ARHGEF2: variants seen among roughly 807,000 people sequenced by gnomAD.
The protein encoded by ARHGEF2 is rho guanine nucleotide exchange factor 2.
In ARHGEF2, 22 loss-of-function variants were observed where a neutral mutation model predicts 121.0. The ratio of observed to expected loss-of-function variants is 0.18; its 90% confidence interval spans 0.13 to 0.26. The LOEUF is 0.26. Among genes scored for constraint, ARHGEF2 ranks in the 10% least tolerant of loss-of-function variants. The probability of loss-of-function intolerance (pLI) is 1.00; values close to 1 mark genes in which losing one functional copy is unlikely to be tolerated. For synonymous variants in ARHGEF2, 487 were observed against 530.0 expected (o/e 0.92, Z 1.11); for missense variants, 907 against 1,336.0 (o/e 0.68, Z 5.01).
At chr1:155,952,488 C>T in intron 15 of ARHGEF2, 140 bp downstream of exon 15, 1 of 1,082,978 alleles carries the variant, frequency 9.2e-7, no homozygotes, top group Non-Finnish European at 1.3e-6. Flanking sequence ...CAGGAACTGG[C>T]CCAGAAGAGG....
chr1:155,961,709 T>C lies in ARHGEF2; in HGVS notation c.1420A>G (p.Ile474Val), dbSNP rs1450311844. The stretch of plus-strand genomic sequence containing the variant: ...TTCCAGAGCAGGCAGCCATCGTGGA[T>C]GAGTTTGCGCCTCAGAAGTTCCTCT... ...GREELLRRKL[I>V]HDGCLLWKTA... is the part of the protein sequence containing the mutation. Residue 474 changes from isoleucine to valine, a missense_variant, in exon 11 of 22, where the codon ATC (isoleucine) becomes GTC (valine). Physicochemically the swap from Ile to Val is conservative, Grantham distance 29. Around this residue, in one of 2 missense-constraint regions of ARHGEF2, gnomAD observed 475 missense variants for 776.5 expected, o/e 0.61. Transcript: ENST00000361247. This position sits in a 1 kb window ranked among gnomAD's most constrained non-coding sequence, Gnocchi z 4.7. 3.1e-6 allele frequency: 5 copies of C among 1,613,914 alleles called. No individual in the cohort carries two copies. Among genetic ancestry groups the C allele is most frequent in the Admixed American group, 3.3e-5 (2 of 60,010 alleles).
In ARHGEF2 at chr1:155,951,452, C is replaced by T; in HGVS notation, c.2259+31G>A. ...CAGGCATCTCTAGCCTGGCTCCTCC[C>T]CTTCCCCATTCAAGCCCTTGTCCTA... On this transcript the variant is annotated intron_variant, in intron 19 of 21. Coordinates refer to ENST00000361247, the MANE Select transcript of ARHGEF2 (RefSeq NM_001162383.2). The surrounding 1 kb of genome is among the most constrained non-coding windows in gnomAD (Gnocchi z 5.1). 2 of 1,613,830 alleles carry T rather than the reference C, an allele frequency of 1.2e-6. No homozygotes were observed. The highest frequency in any genetic ancestry group is 1.7e-6 in the Non-Finnish European group (2 of 1,179,722).
chr1:155,978,744 T>C, upstream of ARHGEF2: 1 of 795,712 alleles, frequency 1.3e-6, no homozygotes, highest in Non-Finnish European at 1.6e-6. The surrounding 1 kb of genome is among the most constrained non-coding windows in gnomAD (Gnocchi z 4.1). Context: ...CTATTTCCCC[T>C]CCAGCGCCTG....
At position 155,955,150 on chromosome 1, in the gene ARHGEF2, C is replaced by T. The variant is rs145694336; in HGVS notation, c.1716-181G>A. On this transcript the variant is annotated intron_variant, in intron 13 of 21. Coordinates refer to ENST00000361247, the MANE Select transcript of ARHGEF2 (RefSeq NM_001162383.2). ...CCTTTTCTTTCTTTTTTTTTTGAGACGGAGTCTTACTCTGTCACCCAGGCT... is the reference window on the plus strand; with the variant it reads ...CCTTTTCTTTCTTTTTTTTTTGAGATGGAGTCTTACTCTGTCACCCAGGCT... Among the ~76,000 whole-genome samples the T allele has an allele frequency of 4.2e-3, 636 of 150,918 alleles. 4 individuals are homozygous for T. The highest frequency in any genetic ancestry group is 0.014 in the African/African-American group (592 of 41,094).
In ARHGEF2 at chr1:155,961,647, C is replaced by A. The variant is rs762661694; in HGVS notation, c.1468+14G>T. 6.2e-7 allele frequency: 1 copy of A among 1,600,022 alleles called. No homozygotes were observed. The highest frequency in any genetic ancestry group is 8.5e-7 in the Non-Finnish European group (1 of 1,173,930). ...GACTTTGAATTCCTGCCTAGTCTGC[C>A]GAGCAGGTCTGACCTTTGAAGCGCC... is the stretch of plus-strand genomic sequence containing the variant. On this transcript the variant is annotated intron_variant, in intron 11 of 21. Coordinates refer to ENST00000361247, the MANE Select transcript of ARHGEF2 (RefSeq NM_001162383.2). The surrounding 1 kb of genome is among the most constrained non-coding windows in gnomAD (Gnocchi z 4.7).
At position 155,963,196 on chromosome 1, in the gene ARHGEF2, T is replaced by C. The variant is rs776188661; in HGVS notation, c.725-13A>G. On this transcript the variant is annotated splice_polypyrimidine_tract_variant and intron_variant, in intron 7 of 21. Coordinates refer to ENST00000361247, the MANE Select transcript of ARHGEF2 (RefSeq NM_001162383.2). Reference sequence around the variant, plus strand: ...GTCTGGATTAGCTCTGTGGGGGACATTGGGACATTTGGCCTCTACCCTGGC... The same window carrying C: ...GTCTGGATTAGCTCTGTGGGGGACACTGGGACATTTGGCCTCTACCCTGGC... The C allele has an allele frequency of 2.9e-5, 47 of 1,602,376 alleles. No homozygotes were observed. The African/African-American group carries it at 4.7e-4, about 16-fold the overall frequency.
chr1:155,962,562 A>G lies in ARHGEF2; in HGVS notation c.1101+31T>C, dbSNP rs772218134. The G allele has an allele frequency of 6.2e-7, 1 of 1,610,960 alleles. No homozygotes were observed. Among genetic ancestry groups the G allele is most frequent in the Non-Finnish European group, 8.5e-7 (1 of 1,179,134 alleles). On this transcript the variant is annotated intron_variant, in intron 9 of 21. Coordinates refer to ENST00000361247, the MANE Select transcript of ARHGEF2 (RefSeq NM_001162383.2). This position sits in a 1 kb window ranked among gnomAD's most constrained non-coding sequence, Gnocchi z 5.8. ...GAGTTGGGGAGGGTGGGTTTGGGCC[A>G]TGAGCATGGGATCTGGAGAGGTCCG...
chr1:155,972,878 T>G (rs757175452), intron 1 of ARHGEF2, among the ~76,000 whole-genome samples: 12 of 151,802 alleles, frequency 7.9e-5, no homozygotes, highest in Non-Finnish European at 1.5e-4. Flanking sequence ...ATTTTTAAAT[T>G]TTTTTTGTAG....
At position 155,969,144 on chromosome 1, in the gene ARHGEF2, C is replaced by T. The variant is rs753884152; in HGVS notation, c.208+12G>A. On this transcript the variant is annotated intron_variant, in intron 2 of 21. Transcript: ENST00000361247. Reference sequence around the variant, plus strand: ...CCGAGTCTGGGTGACTCTCAGGGTCCAAACAACTTACTTGGGCAGATGAGG... The same window carrying T: ...CCGAGTCTGGGTGACTCTCAGGGTCTAAACAACTTACTTGGGCAGATGAGG... 3.1e-6 allele frequency: 5 copies of T among 1,613,922 alleles called. No homozygotes were observed. In the South Asian group the frequency reaches 5.5e-5, roughly 18 times the overall value.
rs775701896 is a variant in ARHGEF2 at position 155,962,664 on chromosome 1, G to A, written c.1030C>T (p.Arg344Cys). ...MCKTYSEFCSRHSKALKLYKE... is the reference protein window; with the variant it reads ...MCKTYSEFCSCHSKALKLYKE... ...TAGAGCTTTAAGGCCTTGCTGTGGCGGCTGCAGAACTCCGAGTAGGTCTTA... is the reference window on the plus strand; with the variant it reads ...TAGAGCTTTAAGGCCTTGCTGTGGCAGCTGCAGAACTCCGAGTAGGTCTTA... The change falls in exon 9 of 22, where the codon CGC (arginine) becomes TGC (cysteine). Residue 344 changes from arginine to cysteine, a missense_variant. Arg to Cys is a radical substitution (Grantham distance 180). Coordinates refer to ENST00000361247, the MANE Select transcript of ARHGEF2 (RefSeq NM_001162383.2). This position sits in a 1 kb window ranked among gnomAD's most constrained non-coding sequence, Gnocchi z 5.8. 2.5e-5 allele frequency: 41 copies of A among 1,613,996 alleles called. No individual in the cohort carries two copies. The highest frequency in any genetic ancestry group is 1.5e-4 in the African/African-American group (11 of 74,898).
intron 7 of ARHGEF2, among the ~76,000 whole-genome samples, chr1:155,963,493 G>A (rs563737308): frequency 1.3e-5 from 2 of 149,878 alleles, no homozygotes; most frequent in Admixed American, 6.7e-5. Context: ...TTACAGGCAC[G>A]CACCACCAGG....
chr1:155,962,024 C>T lies in ARHGEF2; in HGVS notation c.1219+81G>A. The T allele has an allele frequency of 6.2e-7, 1 of 1,603,408 alleles. No homozygotes were observed. Among genetic ancestry groups the T allele is most frequent in the Non-Finnish European group, 8.5e-7 (1 of 1,172,000 alleles). On this transcript the variant is annotated intron_variant, in intron 10 of 21. Coordinates refer to ENST00000361247, the MANE Select transcript of ARHGEF2 (RefSeq NM_001162383.2). The surrounding 1 kb of genome is among the most constrained non-coding windows in gnomAD (Gnocchi z 5.8). ...GCCCAGGGTTTCACACCCGACCCCA[C>T]CCTTCCTGTGGTCATACCGAGCCTT...
In ARHGEF2 at chr1:155,962,364, C is replaced by T. The variant is rs1678137567; in HGVS notation, c.1102-142G>A. The T allele has an allele frequency of 1.9e-6, 2 of 1,045,938 alleles. No homozygotes were observed. The highest frequency in any genetic ancestry group is 2.8e-6 in the Non-Finnish European group (2 of 718,030). The allele number at this position is 1,045,938 out of a possible 1,614,324, so 64.8% of individuals were successfully genotyped here. On this transcript the variant is annotated intron_variant, in intron 9 of 21. Coordinates refer to ENST00000361247, the MANE Select transcript of ARHGEF2 (RefSeq NM_001162383.2). The surrounding 1 kb of genome is among the most constrained non-coding windows in gnomAD (Gnocchi z 5.8). ...TATCTGGAAAATGGGGATAACAACGCCACAGGTTTGTTGTGAGGACCAACT... is the reference window on the plus strand; with the variant it reads ...TATCTGGAAAATGGGGATAACAACGTCACAGGTTTGTTGTGAGGACCAACT...
At chr1:155,952,350 C>T in intron 15 of ARHGEF2, 115 bp from the exon 16 acceptor site, 1 of 1,446,368 alleles carries the variant, frequency 6.9e-7, no homozygotes, top group Non-Finnish European at 9.3e-7. Context: ...CCTGCACTGG[C>T]AGTGGGGTTT....
chr1:155,955,219 G>A (rs376508133), intron 13 of ARHGEF2, among the ~76,000 whole-genome samples: 4 of 151,850 alleles, frequency 2.6e-5, no homozygotes, highest in African/African-American at 9.7e-5. Flanking sequence ...CCTCCTCCTG[G>A]GTTCAAGTGA....
chr1:155,969,103 T>G (rs1025642665), intron 2 of ARHGEF2, 53 bp downstream of exon 2: 70 of 1,601,744 alleles, frequency 4.4e-5, no homozygotes, highest in Non-Finnish European at 6.0e-5. Flanking sequence ...GATGAAAAGA[T>G]CAGGGTCAGT....
rs555489450 is a variant in ARHGEF2 at position 155,977,950 on chromosome 1, T to TG, written c.63+414dup. Reference sequence around the variant, plus strand: ...GACCAAGCCAGCGATTGGGGAGTGATGGGGGGTCGCCACGCCAAGCCCAAG... The same window carrying TG: ...GACCAAGCCAGCGATTGGGGAGTGATGGGGGGGTCGCCACGCCAAGCCCAAG... On this transcript the variant is annotated intron_variant, in intron 1 of 21. Coordinates refer to ENST00000361247, the MANE Select transcript of ARHGEF2 (RefSeq NM_001162383.2). 1.3e-4 allele frequency: 47 copies of TG among 349,276 alleles called. No individual in the cohort carries two copies. In the East Asian group the frequency reaches 6.4e-3, roughly 48 times the overall value. 21.6% of individuals were successfully genotyped at this position (349,276 alleles called of 1,614,324 possible). A position where few individuals can be genotyped will look rare whatever the true frequency, so the allele number is the denominator to read the frequency against.
chr1:155,965,777 C>T lies in ARHGEF2; in HGVS notation c.341-17G>A. The stretch of plus-strand genomic sequence containing the variant: ...GGATGGTTGCTGTGGGGGAGAGATG[C>T]CCAGCAGGCAAACATCAGACTCTGG... On this transcript the variant is annotated splice_polypyrimidine_tract_variant and intron_variant, in intron 4 of 21. Transcript: ENST00000361247. This position sits in a 1 kb window ranked among gnomAD's most constrained non-coding sequence, Gnocchi z 6.0. 1 of 1,581,240 alleles carries T rather than the reference C, an allele frequency of 6.3e-7. No individual in the cohort carries two copies. Among genetic ancestry groups the T allele is most frequent in the Non-Finnish European group, 8.5e-7 (1 of 1,171,168 alleles).
In ARHGEF2 at chr1:155,962,535, A is replaced by G; in HGVS notation, c.1101+58T>C. The G allele has an allele frequency of 6.2e-7, 1 of 1,600,358 alleles. No homozygotes were observed. Among genetic ancestry groups the G allele is most frequent in the Non-Finnish European group, 8.5e-7 (1 of 1,173,514 alleles). On this transcript the variant is annotated intron_variant, in intron 9 of 21. Coordinates refer to ENST00000361247, the MANE Select transcript of ARHGEF2 (RefSeq NM_001162383.2). This position sits in a 1 kb window ranked among gnomAD's most constrained non-coding sequence, Gnocchi z 5.8. The stretch of plus-strand genomic sequence containing the variant: ...GGTGCAGCTCACAGGCACTACCCCC[A>G]TGAGTTGGGGAGGGTGGGTTTGGGC...
Sources: gnomAD v4.1 joint callset for allele counts (sites outside exome capture counted in the v4.1 genomes callset) on GRCh38, gnomAD v4.1.1 for gene constraint, gnomAD v4.1.1 regional missense constraint, Gnocchi (gnomAD v3.1) non-coding constraint, MANE v1.5 for transcripts, NCBI Gene and HGNC (gene_info 2026-07-23, HGNC 2026-07-21) for gene names.